The following PDE4DIP variants were observed in gnomAD, a reference collection of about 807,000 sequenced individuals.
The protein encoded by PDE4DIP is myomegalin.
PDE4DIP carries 59 observed loss-of-function variants against 221.4 expected under a neutral mutation model. The observed-to-expected ratio is 0.27, with a 90% confidence interval of 0.22 to 0.33. PDE4DIP has a LOEUF of 0.33. Among genes scored for constraint, PDE4DIP ranks in the 10% least tolerant of loss-of-function variants. The pLI is 1.00. For synonymous variants in PDE4DIP, 404 were observed against 815.9 expected (o/e 0.50, Z 8.60); for missense variants, 1,036 against 2,154.2 (o/e 0.48, Z 10.28).
intron 23 of PDE4DIP, among the ~76,000 whole-genome samples, chr1:149,000,261 G>A (rs1432577831): frequency 6.6e-6 from 1 of 152,140 alleles, no homozygotes; most frequent in Non-Finnish European, 1.5e-5. Context: ...GCATGCTTAA[G>A]AATCACCTGT....
At chr1:149,032,498 A>G (rs2076970276) in exon 44 of PDE4DIP, 1 of 302,460 alleles carries the variant, frequency 3.3e-6, no homozygotes. Context: ...AGCACTACTC[A>G]CAGATCCACA....
chr1:148,844,454 C>G (rs1553380420), intron 1 of PDE4DIP: 1 of 149,748 alleles, frequency 6.7e-6, no homozygotes. Flanking sequence ...GGAGAGTGCG[C>G]GCACCGCGGC....
intron 21 of PDE4DIP, among the ~76,000 whole-genome samples, chr1:148,986,755 T>C (rs1199299570): frequency 6.6e-6 from 1 of 152,184 alleles, no homozygotes; most frequent in African/African-American, 2.4e-5. Context: ...TGTAGGAGAA[T>C]AGCAGAAAGC....
intron 1 of PDE4DIP, among the ~76,000 whole-genome samples, chr1:148,915,083 G>T (rs2043622763): frequency 6.6e-6 from 1 of 150,950 alleles, no homozygotes; most frequent in East Asian, 1.9e-4. Flanking sequence ...CCCGAGATGT[G>T]TAGATGGATT....
At chr1:148,989,497 G>T in intron 21 of PDE4DIP, 1 of 252,212 alleles carries the variant, frequency 4.0e-6, no homozygotes, top group Non-Finnish European at 6.7e-6. Context: ...GGCAGAAAGT[G>T]TCAGATAAAA....
At chr1:149,032,212 G>T in exon 44 of PDE4DIP, 2 of 749,642 alleles carry the variant, frequency 2.7e-6, no homozygotes, top group Middle Eastern at 3.8e-4. Flanking sequence ...AATACGATTA[G>T]CCAAGGTCCA....
intron 17 of PDE4DIP, among the ~76,000 whole-genome samples, chr1:148,977,502 T>G (rs1574749103): frequency 1.5e-5 from 2 of 132,974 alleles, no homozygotes; most frequent in East Asian, 4.4e-4. Flanking sequence ...TGTTTGGTGA[T>G]CTCTCGTGAT....
At chr1:148,822,435 C>T (rs1289804168) in intron 1 of PDE4DIP, among the ~76,000 whole-genome samples, 6 of 143,138 alleles carry the variant, frequency 4.2e-5, no homozygotes, top group South Asian at 2.2e-4. Flanking sequence ...CTCATAGGAA[C>T]GGGAACCCTA....
intron 37 of PDE4DIP, among the ~76,000 whole-genome samples, chr1:149,023,606 GTGTGCACATA>G (rs1365096216): frequency 6.9e-6 from 1 of 144,578 alleles, no homozygotes; most frequent in Non-Finnish European, 1.5e-5. Flanking sequence ...ACATGTATAT[GTGTGCACATA>G]TATATGTACA....
Position 148,946,536 on chromosome 1 carries a change from G to A in PDE4DIP, c.636+8672G>A, listed in dbSNP as rs2762743. 4.0e-5 allele frequency among the ~76,000 whole-genome samples: 5 copies of A among 123,782 alleles called. No individual in the cohort carries two copies. The East Asian group carries it at 6.3e-4, about 16-fold the overall frequency. The allele number at this position is 123,782 out of a possible 152,430, so 81.2% of individuals were successfully genotyped here. A position where few individuals can be genotyped will look rare whatever the true frequency, so the allele number is the denominator to read the frequency against. On this transcript the variant is annotated intron_variant, in intron 5 of 43. Transcript: ENST00000369354. ...GCCTGGGGGACAAGAGCAAGACTTC[G>A]TCTCAAAAAAAAAAAAAAAAAGGAA...
At position 148,929,353 on chromosome 1, in the gene PDE4DIP, C is replaced by T. The variant is rs1239451715; in HGVS notation, c.218+80C>T. On this transcript the variant is annotated intron_variant, in intron 2 of 43. Transcript: ENST00000369354. ...GAGCAATAGATTTGGAACCAAATTC[C>T]TTAACCTATCTGTGGCATTTGAATC... The T allele has an allele frequency of 2.8e-6, 4 of 1,450,396 alleles. No homozygotes were observed. The African/African-American group carries it at 5.7e-5, about 21-fold the overall frequency. The allele number at this position is 1,450,396 out of a possible 1,614,324, so 89.8% of individuals were successfully genotyped here.
At chr1:148,999,420 T>C (rs1282563978) in intron 23 of PDE4DIP, among the ~76,000 whole-genome samples, 2 of 152,214 alleles carry the variant, frequency 1.3e-5, no homozygotes, top group Non-Finnish European at 2.9e-5. Flanking sequence ...TAGCCTCATG[T>C]CGTTGTTTCA....
chr1:148,998,217 G>A (rs368904679), exon 23 of PDE4DIP: 42 of 1,530,014 alleles, frequency 2.7e-5, no homozygotes, highest in Non-Finnish European at 3.0e-5. Flanking sequence ...CTCCTTCTCC[G>A]ATGGGAGGGG....
chr1:148,986,769 A>C (rs587717353), intron 21 of PDE4DIP, among the ~76,000 whole-genome samples: 1 of 152,326 alleles, frequency 6.6e-6, no homozygotes, highest in Non-Finnish European at 1.5e-5. Context: ...AGAAAGCACG[A>C]CAGAGGTTTC....
rs782804331 is a variant in PDE4DIP at position 148,978,404 on chromosome 1, C to T, written c.2563C>T (p.Arg855Ter). 21 of 1,602,452 alleles carry T rather than the reference C, an allele frequency of 1.3e-5. No homozygotes were observed. The highest frequency in any genetic ancestry group is 1.7e-5 in the Admixed American group (1 of 59,442). ...CCAGGGTCAAGAAATTTCAGGAAACCGAAGACAACAGGTAAGTTACTGGAA... is the reference window on the plus strand; with the variant it reads ...CCAGGGTCAAGAAATTTCAGGAAACTGAAGACAACAGGTAAGTTACTGGAA... The change falls in exon 19 of 44, where the codon CGA becomes TGA. Residue 855 changes from arginine (R) to a stop codon, truncating the protein, a stop_gained. Coordinates refer to ENST00000369354, the Ensembl canonical transcript of PDE4DIP. LOFTEE classifies it high-confidence loss of function.
chr1:148,831,991 G>C (rs9424808), intron 1 of PDE4DIP, among the ~76,000 whole-genome samples: 4 of 126,420 alleles, frequency 3.2e-5, no homozygotes, highest in African/African-American at 1.0e-4. Flanking sequence ...TTGGTAGCTT[G>C]ATGGGGATGG....
exon 9 of PDE4DIP, chr1:148,962,440 A>G (rs782735188): frequency 3.1e-6 from 2 of 643,110 alleles, no homozygotes; most frequent in Non-Finnish European, 5.6e-6. Flanking sequence ...CTCAGAGGGT[A>G]CTTCTCCAGC....
At chr1:148,979,707 CG>C in intron 19 of PDE4DIP, 29 bp from the exon 23 acceptor site, 1 of 1,594,124 alleles carries the variant, frequency 6.3e-7, no homozygotes. Context: ...GTGCCATTTG[CG>C]TATTGCTTCC....
At chr1:148,949,123 G>A (rs1225999170) in intron 5 of PDE4DIP, among the ~76,000 whole-genome samples, 8 of 151,730 alleles carry the variant, frequency 5.3e-5, no homozygotes, top group African/African-American at 1.2e-4. Context: ...ACCAAAATGT[G>A]TTTCATCTAC....
Sources: allele counts gnomAD v4.1 joint callset (sites outside exome capture counted in the v4.1 genomes callset), GRCh38; gene constraint gnomAD v4.1.1; transcripts MANE v1.5; gene names NCBI Gene and HGNC (gene_info 2026-07-23, HGNC 2026-07-21).